PDE8B: variants seen among roughly 807,000 people sequenced by gnomAD.
The protein encoded by PDE8B is high affinity cAMP-specific and IBMX-insensitive 3',5'-cyclic phosphodiesterase 8B.
A neutral mutation model predicts 101.3 loss-of-function variants in PDE8B; 26 were observed. That is an observed-to-expected ratio of 0.26 (90% CI 0.19 to 0.36). The LOEUF (loss-of-function observed/expected upper bound fraction) is 0.36, where lower values mean the gene tolerates loss of function less well. Ranked by LOEUF, PDE8B falls within the 10% of genes least tolerant of loss-of-function variation. The pLI, the probability that PDE8B is intolerant of heterozygous loss-of-function variation, is 1.00. For missense variants in PDE8B, 810 were observed against 1,163.1 expected (o/e 0.70, Z 4.42); for synonymous variants, 424 against 429.3 (o/e 0.99, Z 0.15).
At chr5:77,373,668 TTTA>T (rs1440378919) in intron 10 of PDE8B, among the ~76,000 whole-genome samples, 1 of 152,208 alleles carries the variant, frequency 6.6e-6, no homozygotes, top group African/African-American at 2.4e-5. Flanking sequence ...CATTTATCAG[TTTA>T]TTTTCTTATT....
intron 1 of PDE8B, among the ~76,000 whole-genome samples, chr5:77,274,134 A>G (rs1763359380): frequency 6.6e-6 from 1 of 152,158 alleles, no homozygotes; most frequent in Non-Finnish European, 1.5e-5. Flanking sequence ...TTCTATCTTT[A>G]GACTAAAATT....
chr5:77,361,028 A>C (rs1385526770), intron 10 of PDE8B, among the ~76,000 whole-genome samples: 1 of 152,242 alleles, frequency 6.6e-6, no homozygotes, highest in Non-Finnish European at 1.5e-5. Flanking sequence ...CATTTAAGCA[A>C]ATTTTATTTG....
the PDE8B span, among the ~76,000 whole-genome samples, chr5:77,165,032 A>G: frequency 1.3e-5 from 2 of 152,204 alleles, no homozygotes; most frequent in Non-Finnish European, 2.9e-5. Context: ...GCCCTGATTT[A>G]CAGTGTTAGC....
chr5:77,378,043 C>T lies in PDE8B; in HGVS notation c.1168-22205C>T, dbSNP rs1460260147. The stretch of plus-strand genomic sequence containing the variant: ...ACACACACACACACACACACACACA[C>T]ACACACCCCCTGTTGGTTCTTTGTC... On this transcript the variant is annotated intron_variant, in intron 10 of 21. Transcript: ENST00000264917. 2.9e-5 allele frequency among the ~76,000 whole-genome samples: 3 copies of T among 104,336 alleles called. No homozygotes were observed. The East Asian group carries it at 7.0e-4, about 24-fold the overall frequency. 68.4% of individuals were successfully genotyped at this position (104,336 alleles called of 152,430 possible).
chr5:77,086,790 A>G, the PDE8B span: 1 of 152,308 alleles, frequency 6.6e-6, no homozygotes, highest in East Asian at 1.9e-4. Context: ...AAAGACTGTA[A>G]TCAGACAACT....
chr5:77,412,286 A>T, intron 16 of PDE8B, 51 bp downstream of exon 16: 2 of 1,598,244 alleles, frequency 1.3e-6, no homozygotes, highest in Non-Finnish European at 1.7e-6. Flanking sequence ...GCCATGCTCA[A>T]ACTCTCACAT....
chr5:77,426,130 C>T (rs1007609496), intron 21 of PDE8B: 13 of 605,070 alleles, frequency 2.1e-5, no homozygotes, highest in Non-Finnish European at 3.5e-5. Flanking sequence ...CGAGTCTCTG[C>T]CTCTTCAAAG....
In PDE8B at chr5:77,230,656, G is replaced by T. The variant is rs1200115282; in HGVS notation, c.339+19392G>T. ...TGATTTTTGTATTTTTTGTATTTTGGCCAGGCTGGTCTCGAACTTCTGACC... is the reference window on the plus strand; with the variant it reads ...TGATTTTTGTATTTTTTGTATTTTGTCCAGGCTGGTCTCGAACTTCTGACC... On this transcript the variant is annotated intron_variant, in intron 1 of 21. Coordinates refer to ENST00000264917, the MANE Select transcript of PDE8B (RefSeq NM_003719.5). Among the ~76,000 whole-genome samples the T allele has an allele frequency of 2.0e-5, 3 of 152,076 alleles. No individual in the cohort carries two copies. The East Asian group carries it at 5.8e-4, about 29-fold the overall frequency.
the PDE8B span, among the ~76,000 whole-genome samples, chr5:77,170,809 A>G: frequency 1.3e-5 from 2 of 152,238 alleles, no homozygotes; most frequent in Admixed American, 6.5e-5. Context: ...TCTGAGACTC[A>G]GAAGAAATTA....
At chr5:77,269,906 G>T (rs78704765) in intron 1 of PDE8B, among the ~76,000 whole-genome samples, 6,316 of 152,192 alleles carry the variant, frequency 0.042, 193 homozygotes, top group African/African-American at 0.078. Flanking sequence ...CAGGTAATGG[G>T]ATTCCTCCAG....
At chr5:77,207,027 G>T (rs1431885258), upstream of PDE8B, among the ~76,000 whole-genome samples, 1 of 152,172 alleles carries the variant, frequency 6.6e-6, no homozygotes, top group Non-Finnish European at 1.5e-5. Flanking sequence ...CTCGGTTTCA[G>T]ATTCACTCGT....
At chr5:77,132,612 G>T in the PDE8B span, among the ~76,000 whole-genome samples, 3 of 152,216 alleles carry the variant, frequency 2.0e-5, no homozygotes, top group African/African-American at 4.8e-5. Flanking sequence ...CCACGCTGCA[G>T]AGAGCCATGG....
the PDE8B span, among the ~76,000 whole-genome samples, chr5:77,097,288 T>C: frequency 7.2e-4 from 109 of 152,242 alleles, no homozygotes; most frequent in African/African-American, 2.3e-3. Flanking sequence ...GTGTTTTTGC[T>C]GTGTGCTTCA....
the PDE8B span, among the ~76,000 whole-genome samples, chr5:77,156,978 A>G: frequency 6.6e-6 from 1 of 152,154 alleles, no homozygotes; most frequent in South Asian, 2.1e-4. Flanking sequence ...TCTTAAAAGC[A>G]TATGGTCTCT....
At chr5:77,204,828 T>C in the PDE8B span, among the ~76,000 whole-genome samples, 4 of 152,230 alleles carry the variant, frequency 2.6e-5, no homozygotes, top group African/African-American at 9.6e-5. Flanking sequence ...TCTGGCCCCT[T>C]GACACTCATG....
At chr5:77,148,902 T>C in the PDE8B span, among the ~76,000 whole-genome samples, 2 of 152,226 alleles carry the variant, frequency 1.3e-5, no homozygotes, top group Non-Finnish European at 2.9e-5. Flanking sequence ...TATCACTTCT[T>C]CCTTTAACTG....
chr5:77,413,046 A>G, intron 16 of PDE8B, 65 bp from the exon 17 acceptor site: 1 of 1,355,892 alleles, frequency 7.4e-7, no homozygotes, highest in African/African-American at 1.4e-5. Flanking sequence ...CCCCACTATC[A>G]TCAAAGAAAA....
At chr5:77,146,814 C>G in the PDE8B span, 2 of 345,230 alleles carry the variant, frequency 5.8e-6, no homozygotes, top group Admixed American at 3.3e-5. Flanking sequence ...TCCTAAAGAT[C>G]CCCTTTAGGA....
intron 1 of PDE8B, among the ~76,000 whole-genome samples, chr5:77,243,459 A>G (rs1756199396): frequency 1.3e-5 from 2 of 152,264 alleles, no homozygotes; most frequent in African/African-American, 2.4e-5. Context: ...ATCTAGTTTT[A>G]GAACATTTCA....
Sources: allele counts gnomAD v4.1 joint callset (sites outside exome capture counted in the v4.1 genomes callset), GRCh38; gene constraint gnomAD v4.1.1; transcripts MANE v1.5; gene names NCBI Gene and HGNC (gene_info 2026-07-23, HGNC 2026-07-21).